The following PKHD1 variants were observed in gnomAD, a reference collection of about 807,000 sequenced individuals.
The protein encoded by PKHD1 is fibrocystin.
In PKHD1, 291 loss-of-function variants were observed where a neutral mutation model predicts 412.0. That is an observed-to-expected ratio of 0.71 (90% CI 0.64 to 0.78). The LOEUF is 0.78. Among genes scored for constraint, PKHD1 ranks in the 30% least tolerant of loss-of-function variants. The probability of loss-of-function intolerance (pLI) is 0.00; values close to 1 mark genes in which losing one functional copy is unlikely to be tolerated. For missense variants in PKHD1, 4,825 were observed against 4,950.7 expected (o/e 0.97, Z 0.76); for synonymous variants, 1,777 against 1,821.5 (o/e 0.98, Z 0.62).
At chr6:51,738,602 C>T (rs1259169739) in intron 60 of PKHD1, among the ~76,000 whole-genome samples, 2 of 152,074 alleles carry the variant, frequency 1.3e-5, no homozygotes, top group East Asian at 3.8e-4. Flanking sequence ...GTAAGAGTAT[C>T]AAAACATCAT....
chr6:51,830,472 T>C (rs1434269314), intron 52 of PKHD1, among the ~76,000 whole-genome samples: 1 of 152,166 alleles, frequency 6.6e-6, no homozygotes, highest in Non-Finnish European at 1.5e-5. Context: ...ATTTCAAAAT[T>C]CCCAAAGGCA....
At position 51,855,972 on chromosome 6, in the gene PKHD1, C is replaced by T. The variant is rs143570672; in HGVS notation, c.7832G>A (p.Arg2611His). 12 of 1,612,668 alleles carry T rather than the reference C, an allele frequency of 7.4e-6. No homozygotes were observed. Among genetic ancestry groups the T allele is most frequent in the African/African-American group, 4.0e-5 (3 of 74,886 alleles). ...GTCCAAGAGCAGAGCCATCCAGCCACGAGGGTTAGACAATGTATCACGTAC... is the reference window on the plus strand; with the variant it reads ...GTCCAAGAGCAGAGCCATCCAGCCATGAGGGTTAGACAATGTATCACGTAC... ...NYVRDTLSNP[R>H]GWMALLLDQE... Residue 2611 changes from arginine to histidine, a missense_variant, in exon 49 of 67, where the codon CGT (arginine) becomes CAT (histidine). Arg to His is a conservative substitution (Grantham distance 29, BLOSUM62 0). Transcript: ENST00000371117.
intron 60 of PKHD1, among the ~76,000 whole-genome samples, chr6:51,740,861 A>G (rs76114040): frequency 0.044 from 6,742 of 152,310 alleles, 211 homozygotes; most frequent in Middle Eastern, 0.11. Context: ...TTTTTAGTGC[A>G]GTAAACAGCA....
At chr6:51,627,207 C>G in intron 65 of PKHD1, 91 bp from the exon 66 acceptor site, 1 of 1,134,742 alleles carries the variant, frequency 8.8e-7, no homozygotes, top group Non-Finnish European at 1.3e-6. Flanking sequence ...TACCCTTGTC[C>G]CAAAATTATC....
chr6:51,917,518 G>T (rs181335073), intron 37 of PKHD1, among the ~76,000 whole-genome samples: 12 of 152,170 alleles, frequency 7.9e-5, no homozygotes, highest in Admixed American at 7.2e-4. Flanking sequence ...GACACTCAGG[G>T]GTGTACAGAC....
At chr6:51,738,940 A>G (rs1784203343) in intron 60 of PKHD1, among the ~76,000 whole-genome samples, 1 of 151,210 alleles carries the variant, frequency 6.6e-6, no homozygotes, top group Non-Finnish European at 1.5e-5. Flanking sequence ...CACACAGACA[A>G]CTCAAACTAC....
intron 21 of PKHD1, among the ~76,000 whole-genome samples, chr6:52,050,855 T>A (rs1421268010): frequency 1.3e-5 from 2 of 152,214 alleles, no homozygotes; most frequent in African/African-American, 4.8e-5. Context: ...ACACACTCCA[T>A]AAGACTCAGT....
chr6:51,721,858 T>C, intron 60 of PKHD1: 3 of 1,548,270 alleles, frequency 1.9e-6, no homozygotes, highest in East Asian at 4.7e-5. Flanking sequence ...CAATTTCTTC[T>C]CAATTTGAAC....
intron 1 of PKHD1, among the ~76,000 whole-genome samples, 194 bp downstream of exon 1, chr6:52,087,240 C>T (rs1274276807): frequency 6.6e-6 from 1 of 152,156 alleles, no homozygotes; most frequent in Non-Finnish European, 1.5e-5. Flanking sequence ...CTCTCTCTCT[C>T]TCCTCTCTCT....
chr6:52,070,441 G>C lies in PKHD1; in HGVS notation c.672C>G (p.Ser224=). ...QCHVEGDYIG[S]QNVSFSVFNK... ...TAAATACTGAGAAGCTAACATTCTGGGAGCCTGTAACACAAAGAAACACAC... is the reference window on the plus strand; with the variant it reads ...TAAATACTGAGAAGCTAACATTCTGCGAGCCTGTAACACAAAGAAACACAC... Residue 224 remains serine, a synonymous_variant, in exon 10 of 67, where the codon TCC becomes TCG. Transcript: ENST00000371117. The C allele has an allele frequency of 6.2e-7, 1 of 1,609,750 alleles. No individual in the cohort carries two copies. Among genetic ancestry groups the C allele is most frequent in the Non-Finnish European group, 8.5e-7 (1 of 1,176,504 alleles).
At chr6:52,065,575 G>A (rs554909237) in intron 12 of PKHD1, among the ~76,000 whole-genome samples, 148 of 152,210 alleles carry the variant, frequency 9.7e-4, no homozygotes, top group East Asian at 3.5e-3. Context: ...GGGGTGCGGG[G>A]GATTTCCAGA....
intron 53 of PKHD1, among the ~76,000 whole-genome samples, chr6:51,785,304 A>G (rs1428708070): frequency 6.6e-6 from 1 of 152,188 alleles, no homozygotes; most frequent in Non-Finnish European, 1.5e-5. Flanking sequence ...GCAATCCTAT[A>G]AAGGTTTGAT....
chr6:51,650,564 AT>A (rs1770779211), intron 61 of PKHD1, among the ~76,000 whole-genome samples: 1 of 152,170 alleles, frequency 6.6e-6, no homozygotes, highest in Non-Finnish European at 1.5e-5. Context: ...TAAAGTATTT[AT>A]TTAATATGGA....
intron 60 of PKHD1, among the ~76,000 whole-genome samples, chr6:51,707,951 G>A (rs1056439191): frequency 6.6e-6 from 1 of 151,962 alleles, no homozygotes; most frequent in Non-Finnish European, 1.5e-5. Context: ...CAACATTGGG[G>A]GGCTCTTATT....
intron 60 of PKHD1, among the ~76,000 whole-genome samples, chr6:51,733,821 G>GA (rs1053741526): frequency 2.6e-5 from 4 of 152,192 alleles, no homozygotes; most frequent in African/African-American, 9.6e-5. Context: ...TCACTGGGTA[G>GA]AAGTCATAGA....
At chr6:51,718,495 A>T (rs752652191) in intron 60 of PKHD1, among the ~76,000 whole-genome samples, 3 of 152,224 alleles carry the variant, frequency 2.0e-5, no homozygotes, top group Non-Finnish European at 2.9e-5. Flanking sequence ...TAGGAGGTAT[A>T]ATTTCTAAAG....
chr6:51,617,317 A>G lies in PKHD1; in HGVS notation c.*1764T>C, dbSNP rs1256976135. On this transcript the variant is annotated 3_prime_UTR_variant, in exon 67 of 67. Transcript: ENST00000371117. ...CGAGAATCTACAAAAAAAGATAAAT[A>G]ACTGGTTATAACAGGGACTAATTAA... The G allele has an allele frequency of 6.6e-6, 1 of 152,198 alleles. No individual in the cohort carries two copies. The highest frequency in any genetic ancestry group is 1.5e-5 in the Non-Finnish European group (1 of 68,026). 9.4% of individuals were successfully genotyped at this position (152,198 alleles called of 1,614,324 possible). A position where few individuals can be genotyped will look rare whatever the true frequency, so the allele number is the denominator to read the frequency against.
chr6:51,643,382 A>G (rs1202177229), intron 63 of PKHD1, among the ~76,000 whole-genome samples: 2 of 134,670 alleles, frequency 1.5e-5, no homozygotes, highest in African/African-American at 5.6e-5. Flanking sequence ...TGAACTGCCC[A>G]CATTAAAAAA....
At chr6:51,924,808 C>T (rs1003419631) in intron 37 of PKHD1, among the ~76,000 whole-genome samples, 6 of 152,206 alleles carry the variant, frequency 3.9e-5, no homozygotes, top group Non-Finnish European at 4.4e-5. Context: ...ACCATCCCAT[C>T]TTTAGACTAA....
Sources: allele counts gnomAD v4.1 joint callset (sites outside exome capture counted in the v4.1 genomes callset), GRCh38; gene constraint gnomAD v4.1.1; transcripts MANE v1.5; gene names NCBI Gene and HGNC (gene_info 2026-07-23, HGNC 2026-07-21).